Variants in PTPRD observed in about 807,000 individuals in gnomAD.
PTPRD encodes the protein receptor-type tyrosine-protein phosphatase delta.
In PTPRD, 34 loss-of-function variants were observed where a neutral mutation model predicts 214.5. The observed-to-expected ratio is 0.16, with a 90% CI of 0.12 to 0.21. The LOEUF (loss-of-function observed/expected upper bound fraction) is 0.21, where lower values mean the gene tolerates loss of function less well. Ranked by LOEUF, PTPRD falls within the 10% of genes least tolerant of loss-of-function variation. PTPRD has a pLI of 1.00. For missense variants in PTPRD, 2,545 were observed against 2,398.7 expected (o/e 1.06, Z -1.27); for synonymous variants, 1,128 against 845.7 (o/e 1.33, Z -5.79).
intron 11 of PTPRD, chr9:8,962,811 C>T (rs888032160): frequency 2.6e-5 from 4 of 151,962 alleles, no homozygotes; most frequent in African/African-American, 9.7e-5. Context: ...ACTCAAGCTA[C>T]CAAAGGTAAA....
chr9:8,527,459 T>C (rs2074483515), intron 15 of PTPRD, 106 bp from the exon 16 acceptor site: 1 of 950,178 alleles, frequency 1.1e-6, no homozygotes, highest in Admixed American at 2.0e-5. Flanking sequence ...TACTAAATCA[T>C]CTATGTTACA....
At chr9:9,453,026 T>TTA (rs1025942252) in intron 8 of PTPRD, among the ~76,000 whole-genome samples, 1 of 151,150 alleles carries the variant, frequency 6.6e-6, no homozygotes, top group Non-Finnish European at 1.5e-5. Flanking sequence ...TTTTATTTTT[T>TTA]TTTTTTGCTC....
chr9:8,419,990 CAT>C (rs1248179852), intron 35 of PTPRD, among the ~76,000 whole-genome samples: 1 of 152,140 alleles, frequency 6.6e-6, no homozygotes, highest in African/African-American at 2.4e-5. Context: ...TGAATTTCCA[CAT>C]CTTTGTATGT....
Position 8,625,429 on chromosome 9 carries a change from G to C in PTPRD, c.352+7888C>G, listed in dbSNP as rs989275577. Among the ~76,000 whole-genome samples, 3 of 151,764 alleles carry C rather than the reference G, an allele frequency of 2.0e-5. No homozygotes were observed. The South Asian group carries it at 6.2e-4, about 31-fold the overall frequency. On this transcript the variant is annotated intron_variant, in intron 14 of 45. Transcript: ENST00000381196. ...ACAAACAGAAAGAACTATGTATGCC[G>C]ATACTTAGAAAGGTAGAAAATATCT...
intron 9 of PTPRD, among the ~76,000 whole-genome samples, chr9:9,257,926 C>T (rs2099978445): frequency 6.6e-6 from 1 of 151,992 alleles, no homozygotes; most frequent in African/African-American, 2.4e-5. Context: ...GCAAAAATCA[C>T]ATACAATGCT....
chr9:9,485,990 A>C (rs2095613666), intron 8 of PTPRD, among the ~76,000 whole-genome samples: 1 of 151,850 alleles, frequency 6.6e-6, no homozygotes, highest in Admixed American at 6.6e-5. Context: ...TTTTCTACTA[A>C]AAATACAAAA....
Position 8,969,300 on chromosome 9 carries a change from G to C in PTPRD, c.-104+49397C>G, listed in dbSNP as rs770310748. On this transcript the variant is annotated intron_variant, in intron 11 of 45. Transcript: ENST00000381196. ...GTTATAGACTGAGACAACCATCTTG[G>C]AGAATGATCTGGCAGTCCTTTGGCA... Among the ~76,000 whole-genome samples the C allele has an allele frequency of 1.3e-5, 2 of 151,992 alleles. 1 individual carries two copies. The highest frequency in any genetic ancestry group is 6.3e-3 in the Middle Eastern group (2 of 316).
At chr9:9,818,640 G>A (rs185830272) in intron 5 of PTPRD, among the ~76,000 whole-genome samples, 39 of 152,124 alleles carry the variant, frequency 2.6e-4, no homozygotes, top group African/African-American at 7.2e-4. Flanking sequence ...AAAATGGGTC[G>A]GGCGTGGTGG....
At chr9:9,779,381 C>T (rs1393320046) in intron 5 of PTPRD, among the ~76,000 whole-genome samples, 1 of 152,068 alleles carries the variant, frequency 6.6e-6, no homozygotes, top group African/African-American at 2.4e-5. Flanking sequence ...ACAGCTTCTG[C>T]ACAGCGAAAG....
chr9:9,437,358 T>A (rs188741217), intron 8 of PTPRD, among the ~76,000 whole-genome samples: 1 of 152,322 alleles, frequency 6.6e-6, no homozygotes, highest in South Asian at 2.1e-4. Flanking sequence ...ATATAACTTA[T>A]AATTTTTGAT....
At chr9:9,913,215 T>C (rs2079716387) in intron 5 of PTPRD, among the ~76,000 whole-genome samples, 1 of 152,214 alleles carries the variant, frequency 6.6e-6, no homozygotes, top group Admixed American at 6.5e-5. Flanking sequence ...ATTTCACTGT[T>C]AATGTGGTTA....
At chr9:8,360,177 G>A (rs992252719) in intron 39 of PTPRD, among the ~76,000 whole-genome samples, 3 of 152,180 alleles carry the variant, frequency 2.0e-5, no homozygotes, top group Admixed American at 6.5e-5. Flanking sequence ...AGACGTAAAA[G>A]TAATTTGTGT....
At chr9:9,272,492 C>A (rs1943342240) in intron 9 of PTPRD, among the ~76,000 whole-genome samples, 1 of 151,224 alleles carries the variant, frequency 6.6e-6, no homozygotes, top group Admixed American at 6.6e-5. Context: ...ATCCTGATCA[C>A]AGGGACTGAG....
intron 10 of PTPRD, among the ~76,000 whole-genome samples, chr9:9,092,820 A>G (rs1040407727): frequency 2.0e-5 from 3 of 152,092 alleles, no homozygotes; most frequent in African/African-American, 4.8e-5. Flanking sequence ...AAAAATTATG[A>G]TCATCAACCA....
intron 4 of PTPRD, among the ~76,000 whole-genome samples, chr9:10,013,016 G>C (rs1232234008): frequency 4.0e-5 from 6 of 151,874 alleles, no homozygotes; most frequent in Non-Finnish European, 8.8e-5. Flanking sequence ...TGTTAGAAAA[G>C]CATATCCGCT....
intron 5 of PTPRD, among the ~76,000 whole-genome samples, chr9:9,850,578 T>C (rs2060367448): frequency 6.7e-6 from 1 of 149,504 alleles, no homozygotes; most frequent in Admixed American, 6.6e-5. Flanking sequence ...ATTAAAATTG[T>C]ATATATAGTG....
At chr9:8,524,148 G>C (rs1019087578) in intron 18 of PTPRD, among the ~76,000 whole-genome samples, 9 of 152,116 alleles carry the variant, frequency 5.9e-5, no homozygotes, top group African/African-American at 2.2e-4. Context: ...TAGTTGAATG[G>C]AAAGGCATAG....
chr9:9,763,768 A>T (rs567818623), intron 6 of PTPRD, among the ~76,000 whole-genome samples: 58 of 151,358 alleles, frequency 3.8e-4, no homozygotes, highest in Non-Finnish European at 5.6e-4. Context: ...TTCTTTTTTG[A>T]TAATTTGCAT....
At chr9:9,763,221 A>T (rs72710103) in intron 6 of PTPRD, among the ~76,000 whole-genome samples, 21,943 of 152,200 alleles carry the variant, frequency 0.14, 2,152 homozygotes, top group Non-Finnish European at 0.22. Flanking sequence ...TTTCAAGAAA[A>T]AATAGAAATC....
Sources: gnomAD v4.1 joint callset for allele counts (sites outside exome capture counted in the v4.1 genomes callset) on GRCh38, gnomAD v4.1.1 for gene constraint, MANE v1.5 for transcripts, NCBI Gene and HGNC (gene_info 2026-07-23, HGNC 2026-07-21) for gene names.